Variants in NF1 observed in about 807,000 individuals in gnomAD.
NF1 encodes neurofibromin.
In NF1, 122 loss-of-function variants were observed where a neutral mutation model predicts 325.7. The ratio of observed to expected loss-of-function variants is 0.37; its 90% CI spans 0.32 to 0.44. The LOEUF is 0.44. Among genes scored for constraint, NF1 ranks in the 20% least tolerant of loss-of-function variants. The probability of loss-of-function intolerance (pLI) is 1.00; values close to 1 mark genes in which losing one functional copy is unlikely to be tolerated. For synonymous variants in NF1, 1,091 were observed against 1,186.0 expected (o/e 0.92, Z 1.65); for missense variants, 2,140 against 3,415.4 (o/e 0.63, Z 9.31).
intron 1 of NF1, among the ~76,000 whole-genome samples, chr17:31,125,603 C>G (rs910769985): frequency 2.0e-5 from 3 of 151,850 alleles, no homozygotes; most frequent in Admixed American, 2.0e-4. Context: ...ATGGCACGAT[C>G]TGGACTCACT....
intron 57 of NF1, among the ~76,000 whole-genome samples, chr17:31,369,375 C>T (rs999953903): frequency 2.6e-5 from 4 of 152,132 alleles, no homozygotes; most frequent in African/African-American, 9.7e-5. Flanking sequence ...TATCTGGAAC[C>T]ACCACAATTT....
At position 31,376,437 on chromosome 17, in the gene NF1, CAAAA is replaced by C; in HGVS notation, c.*2284_*2287del. 4.3e-6 allele frequency: 1 copy of C among 232,550 alleles called. No homozygotes were observed. The highest frequency in any genetic ancestry group is 8.5e-6 in the Non-Finnish European group (1 of 117,644). 14.4% of individuals were successfully genotyped at this position (232,550 alleles called of 1,614,324 possible). On this transcript the variant is annotated 3_prime_UTR_variant, in exon 58 of 58. Coordinates refer to ENST00000358273, the MANE Select transcript of NF1 (RefSeq NM_001042492.3). ...TCAAAATTCAGCCGCCTTTGAAATG[CAAAA>C]ATACCTTTGACTAGTAAGTACATCC...
chr17:31,320,646 T>G (rs2069162506), intron 36 of NF1: 1 of 439,772 alleles, frequency 2.3e-6, no homozygotes, highest in South Asian at 5.0e-5. Context: ...CTATTAAATA[T>G]TCCAGGATTA....
intron 36 of NF1, chr17:31,320,986 T>C (rs970310023): frequency 6.6e-6 from 1 of 152,262 alleles, no homozygotes; most frequent in East Asian, 1.9e-4. Flanking sequence ...CTGCTGTTGA[T>C]TGTCTTCAGC....
intron 54 of NF1, chr17:31,357,602 AT>A (rs2070305879): frequency 1.8e-6 from 1 of 560,190 alleles, no homozygotes; most frequent in African/African-American, 1.9e-5. Flanking sequence ...TAAGTGGTTT[AT>A]TTTGATGATC....
chr17:31,240,548 C>CG, intron 29 of NF1, among the ~76,000 whole-genome samples: 1 of 152,248 alleles, frequency 6.6e-6, no homozygotes, highest in South Asian at 2.1e-4. Flanking sequence ...CATGGGAGTG[C>CG]CGATATGTCT....
At chr17:31,280,806 C>A (rs926306905) in intron 36 of NF1, among the ~76,000 whole-genome samples, 1 of 150,582 alleles carries the variant, frequency 6.6e-6, no homozygotes, top group Non-Finnish European at 1.5e-5. Context: ...AGTTTTCTTG[C>A]TTAAGGTATT....
At chr17:31,102,568 TG>T (rs1255502372) in intron 1 of NF1, among the ~76,000 whole-genome samples, 1 of 151,920 alleles carries the variant, frequency 6.6e-6, no homozygotes, top group Non-Finnish European at 1.5e-5. Context: ...CATAGTGAGA[TG>T]CTGTCTCTAA....
At chr17:31,304,250 C>A in intron 36 of NF1, 1 of 1,560,034 alleles carries the variant, frequency 6.4e-7, no homozygotes, top group Non-Finnish European at 8.7e-7. Context: ...AGCTAAAAAG[C>A]AAGTTGTAAT....
intron 1 of NF1, among the ~76,000 whole-genome samples, chr17:31,119,101 C>T (rs1018062568): frequency 4.6e-5 from 7 of 152,030 alleles, no homozygotes; most frequent in African/African-American, 1.7e-4. Context: ...GCCACCACAC[C>T]CAGCTAATTT....
At chr17:31,108,131 A>T (rs1211009119) in intron 1 of NF1, among the ~76,000 whole-genome samples, 2 of 141,708 alleles carry the variant, frequency 1.4e-5, no homozygotes, top group Non-Finnish European at 3.1e-5. Context: ...AAACTCTGTT[A>T]AAAAAAAAAA....
At chr17:31,318,416 T>C (rs767609814) in intron 36 of NF1, 3 of 1,614,016 alleles carry the variant, frequency 1.9e-6, no homozygotes, top group South Asian at 1.1e-5. Context: ...GTGAGCTGTT[T>C]TGTTCTTTTC....
At chr17:31,265,685 T>G (rs2067773919) in intron 36 of NF1, among the ~76,000 whole-genome samples, 1 of 152,174 alleles carries the variant, frequency 6.6e-6, no homozygotes, top group Non-Finnish European at 1.5e-5. Context: ...CTGGGAACTT[T>G]TTTTAAAGGA....
intron 36 of NF1, among the ~76,000 whole-genome samples, chr17:31,308,421 A>T (rs568803081): frequency 6.6e-6 from 1 of 152,122 alleles, no homozygotes; most frequent in Non-Finnish European, 1.5e-5. Flanking sequence ...GATTACAGGC[A>T]TGAGCCACCA....
chr17:31,337,359 C>A lies in NF1; in HGVS notation c.6428-9C>A. 1 of 1,599,628 alleles carries A rather than the reference C, an allele frequency of 6.3e-7. No individual in the cohort carries two copies. The highest frequency in any genetic ancestry group is 1.3e-5 in the African/African-American group (1 of 74,708). ...TTCTGTCTTTACTTGTTCCTTTATT[C>A]TCTTACAGAAGAGACCAAGCAAGTT... is the stretch of plus-strand genomic sequence containing the variant. On this transcript the variant is annotated splice_polypyrimidine_tract_variant and intron_variant, in intron 42 of 57. Coordinates refer to ENST00000358273, the MANE Select transcript of NF1 (RefSeq NM_001042492.3).
intron 2 of NF1, 45 bp from the exon 3 acceptor site, chr17:31,158,965 A>T (rs914366688): frequency 2.5e-6 from 3 of 1,177,160 alleles, no homozygotes; most frequent in Non-Finnish European, 3.8e-6. Context: ...GATTGGTAGC[A>T]GAAAGTGAAA....
At chr17:31,248,870 G>T in intron 29 of NF1, 114 bp from the exon 30 acceptor site, 8 of 895,720 alleles carry the variant, frequency 8.9e-6, no homozygotes, top group Non-Finnish European at 1.4e-5. Context: ...AGATTCCAAT[G>T]AAGTCTACAC....
At chr17:31,367,387 T>G (rs1230697525) in intron 57 of NF1, 1 of 574,540 alleles carries the variant, frequency 1.7e-6, no homozygotes, top group African/African-American at 2.0e-5. Flanking sequence ...TCAGTCTGCC[T>G]TAGGCACTTT....
At chr17:31,189,341 G>A (rs953186796) in intron 8 of NF1, among the ~76,000 whole-genome samples, 17 of 151,806 alleles carry the variant, frequency 1.1e-4, no homozygotes, top group African/African-American at 3.6e-4. Flanking sequence ...AGCTTTTTTG[G>A]TCAGATCTCT....
Sources: allele counts gnomAD v4.1 joint callset (sites outside exome capture counted in the v4.1 genomes callset), GRCh38; gene constraint gnomAD v4.1.1; transcripts MANE v1.5; gene names NCBI Gene and HGNC (gene_info 2026-07-23, HGNC 2026-07-21).